FAM107B: variants seen among roughly 807,000 people sequenced by gnomAD.
FAM107B encodes the protein family with sequence similarity 107 member B.
A neutral mutation model predicts 31.5 loss-of-function variants in FAM107B; 21 were observed. The observed-to-expected ratio is 0.67, with a 90% CI of 0.47 to 0.96. FAM107B has a LOEUF of 0.96. FAM107B is among the 40% of genes least tolerant of loss of function. FAM107B has a pLI of 0.00. For synonymous variants in FAM107B, 157 were observed against 141.5 expected (o/e 1.11, Z -0.78); for missense variants, 452 against 377.1 (o/e 1.20, Z -1.64).
intron 2 of FAM107B, among the ~76,000 whole-genome samples, chr10:14,629,803 C>T (rs1282008838): frequency 3.3e-5 from 5 of 151,358 alleles, no homozygotes; most frequent in East Asian, 3.9e-4. Context: ...TGAGCCACCA[C>T]GCCTGGCCCA....
intron 2 of FAM107B, among the ~76,000 whole-genome samples, chr10:14,582,737 C>T (rs868402414): frequency 2.0e-5 from 3 of 152,076 alleles, no homozygotes; most frequent in African/African-American, 4.8e-5. Flanking sequence ...TACTCTTACA[C>T]CAACTTTATT....
rs145064519 is a variant in FAM107B, at chr10:14,754,429, T to C, written c.411+19824A>G. 9.2e-5 allele frequency among the ~76,000 whole-genome samples: 14 copies of C among 152,264 alleles called. No individual in the cohort carries two copies. In the East Asian group the frequency reaches 2.7e-3, roughly 29 times the overall value. ...GACTAATCCAAGCAGAGTGGTCTTA[T>C]CCCTTAAACACGAGGACAACAGAAG... On this transcript the variant is annotated intron_variant, in intron 1 of 4. Coordinates refer to ENST00000181796, the MANE Select transcript of FAM107B (RefSeq NM_031453.4).
chr10:14,725,162 C>CTCTCA (rs1452446591), intron 1 of FAM107B, among the ~76,000 whole-genome samples: 1 of 152,142 alleles, frequency 6.6e-6, no homozygotes, highest in Non-Finnish European at 1.5e-5. Context: ...GACTCTCAGA[C>CTCTCA]GGTCAGCATC....
intron 1 of FAM107B, among the ~76,000 whole-genome samples, chr10:14,759,304 AC>A (rs1294232158): frequency 6.6e-6 from 1 of 152,196 alleles, no homozygotes; most frequent in African/African-American, 2.4e-5. Flanking sequence ...CAGCAGACTG[AC>A]TTTTATTTTT....
intron 2 of FAM107B, among the ~76,000 whole-genome samples, chr10:14,632,662 C>T (rs1266330369): frequency 6.7e-6 from 1 of 148,604 alleles, no homozygotes; most frequent in African/African-American, 2.5e-5. Context: ...AGAATTATTA[C>T]GTAAAGAAAC....
intron 2 of FAM107B, among the ~76,000 whole-genome samples, chr10:14,619,071 C>T (rs1013857086): frequency 1.3e-5 from 2 of 152,134 alleles, no homozygotes; most frequent in African/African-American, 4.8e-5. Flanking sequence ...AGGAAGGAAA[C>T]TCTCCTATAA....
chr10:14,589,209 G>A (rs777531185), intron 2 of FAM107B, among the ~76,000 whole-genome samples: 2 of 151,174 alleles, frequency 1.3e-5, no homozygotes, highest in Non-Finnish European at 2.9e-5. Context: ...AAGAGTAAGT[G>A]GTGACTTTTT....
intron 1 of FAM107B, among the ~76,000 whole-genome samples, chr10:14,685,867 G>A (rs1349476402): frequency 6.6e-6 from 1 of 152,128 alleles, no homozygotes. Context: ...TACATGGCTG[G>A]GGCGGCCTCA....
intron 1 of FAM107B, among the ~76,000 whole-genome samples, chr10:14,694,035 G>A (rs1156258615): frequency 3.3e-5 from 5 of 152,108 alleles, no homozygotes; most frequent in Admixed American, 1.3e-4. Flanking sequence ...TCTGTGTTGT[G>A]GTAAAGGGCT....
At chr10:14,552,762 G>A (rs546442803) in intron 2 of FAM107B, among the ~76,000 whole-genome samples, 2 of 152,210 alleles carry the variant, frequency 1.3e-5, no homozygotes, top group South Asian at 4.1e-4. Flanking sequence ...CCGGGAGATG[G>A]AAGGGTTGCA....
At chr10:14,750,897 G>A (rs1011660597) in intron 1 of FAM107B, among the ~76,000 whole-genome samples, 1 of 152,320 alleles carries the variant, frequency 6.6e-6, no homozygotes, top group South Asian at 2.1e-4. Flanking sequence ...GCTGTGGGGT[G>A]CATGGGCAGA....
chr10:14,642,324 G>C (rs953589055), intron 2 of FAM107B, among the ~76,000 whole-genome samples: 4 of 152,208 alleles, frequency 2.6e-5, no homozygotes, highest in African/African-American at 4.8e-5. Context: ...TGTCCCCAAG[G>C]CTCCTCTGGA....
chr10:14,568,139 C>T (rs893566862), intron 2 of FAM107B, among the ~76,000 whole-genome samples: 3 of 152,220 alleles, frequency 2.0e-5, no homozygotes, highest in Non-Finnish European at 2.9e-5. Context: ...CAGAATACGA[C>T]TGAGACAAGG....
chr10:14,613,553 G>A (rs1852777754), intron 2 of FAM107B, among the ~76,000 whole-genome samples: 1 of 151,890 alleles, frequency 6.6e-6, no homozygotes, highest in Non-Finnish European at 1.5e-5. Flanking sequence ...CCTCACTTAC[G>A]CCCTACATCT....
At chr10:14,672,523 G>A (rs553108784) in intron 1 of FAM107B, among the ~76,000 whole-genome samples, 4 of 152,286 alleles carry the variant, frequency 2.6e-5, no homozygotes, top group East Asian at 1.9e-4. Flanking sequence ...ATGAATATGT[G>A]TTTGTTTGTG....
At chr10:14,709,859 T>C (rs535051087) in intron 1 of FAM107B, among the ~76,000 whole-genome samples, 1 of 152,230 alleles carries the variant, frequency 6.6e-6, no homozygotes, top group African/African-American at 2.4e-5. Context: ...ATATACGACA[T>C]TCTGAAAAGC....
At chr10:14,734,488 G>GT (rs74521923) in intron 1 of FAM107B, among the ~76,000 whole-genome samples, 3,910 of 138,436 alleles carry the variant, frequency 0.028, 57 homozygotes, top group Middle Eastern at 0.036. Context: ...TTTTTGTGAG[G>GT]TTTTTTTTTT....
chr10:14,553,878 G>A (rs1256716430), intron 2 of FAM107B, among the ~76,000 whole-genome samples: 1 of 152,134 alleles, frequency 6.6e-6, no homozygotes, highest in Non-Finnish European at 1.5e-5. Context: ...TAAGAAACTT[G>A]CCCAAATTCA....
At chr10:14,770,716 G>A (rs1047915990) in intron 1 of FAM107B, among the ~76,000 whole-genome samples, 16 of 151,970 alleles carry the variant, frequency 1.1e-4, no homozygotes, top group Admixed American at 8.5e-4. Context: ...TTCAGGTCTG[G>A]AACAGAAAAG....
Sources: allele counts gnomAD v4.1 joint callset (sites outside exome capture counted in the v4.1 genomes callset), GRCh38; gene constraint gnomAD v4.1.1; transcripts MANE v1.5; gene names NCBI Gene and HGNC (gene_info 2026-07-23, HGNC 2026-07-21).